The following USP32 variants were observed in gnomAD, a reference collection of about 807,000 sequenced individuals.
USP32 encodes the protein ubiquitin specific peptidase 32.
A neutral mutation model predicts 204.8 loss-of-function variants in USP32; 59 were observed. The ratio of observed to expected loss-of-function variants is 0.29; its 90% CI spans 0.23 to 0.36. The LOEUF (loss-of-function observed/expected upper bound fraction) is 0.36. USP32 is among the 10% of genes least tolerant of loss of function. The probability of loss-of-function intolerance (pLI) is 1.00; values close to 1 mark genes in which losing one functional copy is unlikely to be tolerated. For synonymous variants in USP32, 517 were observed against 678.4 expected, an observed-to-expected ratio of 0.76 and a Z score of 3.70; for missense variants, 1,160 against 1,946.4, an observed-to-expected ratio of 0.60 and a Z score of 7.60.
chr17:60,188,091 C>T (rs551471452), intron 29 of USP32, among the ~76,000 whole-genome samples: 50 of 152,258 alleles, frequency 3.3e-4, no homozygotes, highest in Middle Eastern at 3.4e-3. Flanking sequence ...AGCAGCCCTC[C>T]AACCTCAGCC....
chr17:60,318,370 CT>C (rs1477361365), intron 2 of USP32, among the ~76,000 whole-genome samples: 8 of 152,144 alleles, frequency 5.3e-5, no homozygotes, highest in African/African-American at 1.9e-4. Flanking sequence ...ATATATTCTC[CT>C]GTTCACTAAT....
chr17:60,346,907 G>A (rs1350432734), intron 1 of USP32, among the ~76,000 whole-genome samples: 1 of 152,186 alleles, frequency 6.6e-6, no homozygotes, highest in Non-Finnish European at 1.5e-5. Flanking sequence ...AGTAGCAAAC[G>A]ATAAACCTAG....
At chr17:60,209,041 C>T (rs556230610) in intron 22 of USP32, among the ~76,000 whole-genome samples, 30 of 152,148 alleles carry the variant, frequency 2.0e-4, no homozygotes, top group African/African-American at 7.0e-4. Flanking sequence ...AGTTATTTGT[C>T]CATTAACAAG....
chr17:60,335,972 C>T (rs536519920), intron 2 of USP32, among the ~76,000 whole-genome samples: 1 of 143,032 alleles, frequency 7.0e-6, no homozygotes, highest in Admixed American at 6.8e-5. Context: ...TAAAGACTCA[C>T]TTGGATAGGA....
intron 9 of USP32, among the ~76,000 whole-genome samples, chr17:60,264,066 G>A (rs1271903950): frequency 8.5e-5 from 13 of 152,048 alleles, no homozygotes; most frequent in Non-Finnish European, 1.5e-5. Flanking sequence ...GCAAGCTATA[G>A]GAGTAAATCT....
chr17:60,202,511 T>G (rs186380972), intron 26 of USP32, among the ~76,000 whole-genome samples: 47 of 152,012 alleles, frequency 3.1e-4, no homozygotes, highest in Admixed American at 2.6e-4. Context: ...GATTGTGCAT[T>G]AAGTCATCCG....
intron 27 of USP32, among the ~76,000 whole-genome samples, chr17:60,195,658 T>C (rs763038555): frequency 6.6e-6 from 1 of 152,168 alleles, no homozygotes; most frequent in Non-Finnish European, 1.5e-5. Context: ...TTGATGCTTC[T>C]TTTTCCCTTT....
intron 1 of USP32, among the ~76,000 whole-genome samples, chr17:60,405,726 G>T (rs375337543): frequency 1.1e-4 from 17 of 152,246 alleles, no homozygotes; most frequent in African/African-American, 3.9e-4. Context: ...TCACACCACT[G>T]CATTCCTGCC....
At chr17:60,261,283 A>G (rs2086445127) in intron 9 of USP32, among the ~76,000 whole-genome samples, 1 of 152,218 alleles carries the variant, frequency 6.6e-6, no homozygotes, top group Admixed American at 6.5e-5. Context: ...AAATGTAATA[A>G]CTTCTATTAA....
chr17:60,190,275 C>T (rs560954122), intron 29 of USP32, among the ~76,000 whole-genome samples: 79 of 152,194 alleles, frequency 5.2e-4, no homozygotes, highest in Non-Finnish European at 9.9e-4. Context: ...CCCAGGCTGC[C>T]GAACAGTAAG....
At chr17:60,291,936 C>T (rs1472311975) in intron 4 of USP32, among the ~76,000 whole-genome samples, 1 of 151,772 alleles carries the variant, frequency 6.6e-6, no homozygotes, top group East Asian at 1.9e-4. Context: ...AAGCATTCCA[C>T]TCTTCCTATC....
chr17:60,349,012 C>T (rs1204333509), intron 1 of USP32, among the ~76,000 whole-genome samples: 2 of 151,988 alleles, frequency 1.3e-5, no homozygotes, highest in South Asian at 4.2e-4. Flanking sequence ...TGTATTTCTT[C>T]AAGATGCCTA....
intron 29 of USP32, among the ~76,000 whole-genome samples, chr17:60,189,021 A>G (rs1305521790): frequency 6.6e-6 from 1 of 152,246 alleles, no homozygotes. Flanking sequence ...CCGATTGCAC[A>G]CTGGATTTGT....
intron 27 of USP32, among the ~76,000 whole-genome samples, chr17:60,197,393 T>C (rs1205621230): frequency 2.0e-5 from 3 of 151,160 alleles, no homozygotes; most frequent in East Asian, 1.9e-4. Flanking sequence ...TCACCTGAGG[T>C]TGGAAGTTTG....
intron 1 of USP32, among the ~76,000 whole-genome samples, chr17:60,362,576 G>C (rs2089231185): frequency 6.6e-6 from 1 of 152,200 alleles, no homozygotes; most frequent in Non-Finnish European, 1.5e-5. Flanking sequence ...AACGCTGCAG[G>C]AGAGTCTTAA....
intron 9 of USP32, chr17:60,256,708 C>G (rs2086316408): frequency 8.8e-7 from 1 of 1,132,920 alleles, no homozygotes; most frequent in Non-Finnish European, 1.1e-6. Context: ...AACATCAATG[C>G]CTGCACCACG....
At chr17:60,297,672 C>A (rs1423113519) in intron 3 of USP32, among the ~76,000 whole-genome samples, 1 of 151,992 alleles carries the variant, frequency 6.6e-6, no homozygotes, top group Non-Finnish European at 1.5e-5. Context: ...AACTCCTGAC[C>A]TCAGGTGATC....
intron 5 of USP32, among the ~76,000 whole-genome samples, chr17:60,276,966 T>TATATATATATAA (rs60544670): frequency 0.02 from 3,041 of 149,726 alleles, 109 homozygotes; most frequent in African/African-American, 0.072. Flanking sequence ...TATATATATA[T>TATATATATATAA]AAAATTACCA....
intron 2 of USP32, among the ~76,000 whole-genome samples, chr17:60,303,065 C>T (rs1340354024): frequency 6.6e-6 from 1 of 152,022 alleles, no homozygotes; most frequent in East Asian, 1.9e-4. Flanking sequence ...TTAATAACAC[C>T]TGACAACTGA....
Sources: gnomAD v4.1 joint callset for allele counts (sites outside exome capture counted in the v4.1 genomes callset) on GRCh38, gnomAD v4.1.1 for gene constraint, MANE v1.5 for transcripts, NCBI Gene and HGNC (gene_info 2026-07-23, HGNC 2026-07-21) for gene names.